OPHN1: variants seen among roughly 807,000 people sequenced by gnomAD.
OPHN1 encodes the protein oligophrenin 1, also known as oligophrenin-1.
Under a neutral mutation model 60.7 loss-of-function variants are expected in OPHN1, and 11 were observed. That is an observed-to-expected ratio of 0.18 (90% CI 0.11 to 0.30). OPHN1 has a LOEUF of 0.30. Among genes scored for constraint, OPHN1 ranks in the 10% least tolerant of loss-of-function variants. OPHN1 has a pLI of 1.00. For missense variants in OPHN1, 449 were observed against 611.0 expected, an observed-to-expected ratio of 0.73 and a Z score of 2.80; for synonymous variants, 226 against 222.6, an observed-to-expected ratio of 1.02 and a Z score of -0.14.
intron 19 of OPHN1, among the ~76,000 whole-genome samples, chrX:68,085,076 C>T (rs1479097248): frequency 1.5e-4 from 17 of 112,175 alleles, no homozygotes; most frequent in African/African-American, 5.2e-4. Context: ...ACCTCTTTTT[C>T]TGGTCTGTGG....
At chrX:68,114,592 C>T (rs2077119527) in intron 16 of OPHN1, among the ~76,000 whole-genome samples, 2 of 110,737 alleles carry the variant, frequency 1.8e-5, no homozygotes. Context: ...GAGACCCCTA[C>T]CTCTTAAAAA....
intron 15 of OPHN1, among the ~76,000 whole-genome samples, chrX:68,182,395 AAG>A (rs1055606880): frequency 9.3e-6 from 1 of 108,033 alleles, no homozygotes; most frequent in African/African-American, 3.4e-5. Context: ...GACAGAGAGA[AAG>A]AGAGAGGGGA....
intron 6 of OPHN1, among the ~76,000 whole-genome samples, chrX:68,217,421 C>G (rs1383748562): frequency 8.9e-6 from 1 of 112,092 alleles, no homozygotes; most frequent in African/African-American, 3.2e-5. Context: ...CTGGGTGGAG[C>G]CCACCACAGC....
rs1246696041 is a variant in OPHN1, at chrX:68,045,496, C to T, written c.*1676G>A. On this transcript the variant is annotated 3_prime_UTR_variant, in exon 25 of 25. Coordinates refer to ENST00000355520, the MANE Select transcript of OPHN1 (RefSeq NM_002547.3). ...TTATCTGTCAGTACTATAATCAGTG[C>T]ACTAACAGGGCCTTGGTAGAAGAGT... 9.0e-6 allele frequency: 1 copy of T among 111,459 alleles called. No homozygotes were observed. Among genetic ancestry groups the T allele is most frequent in the Non-Finnish European group, 1.9e-5 (1 of 53,091 alleles). The allele number at this position is 111,459 out of a possible 1,213,427, so 9.2% of individuals were successfully genotyped here. A position where few individuals can be genotyped will look rare whatever the true frequency, so the allele number is the denominator to read the frequency against.
chrX:68,171,812 A>G (rs912362950), intron 15 of OPHN1, among the ~76,000 whole-genome samples: 4 of 112,143 alleles, frequency 3.6e-5, no homozygotes, highest in African/African-American at 1.3e-4. Context: ...ATATGAACAG[A>G]CATTTCATAA....
intron 2 of OPHN1, 50 bp downstream of exon 2, chrX:68,432,817 G>T (rs777084728): frequency 8.4e-7 from 1 of 1,192,337 alleles, no homozygotes; most frequent in East Asian, 3.0e-5. Flanking sequence ...AAGGCTTAAA[G>T]GCCAGACACA....
intron 2 of OPHN1, among the ~76,000 whole-genome samples, chrX:68,377,127 T>C (rs1461615276): frequency 1.0e-5 from 1 of 96,629 alleles, no homozygotes; most frequent in Non-Finnish European, 2.1e-5. Flanking sequence ...GATGGAGTCT[T>C]ACTCTGTTGC....
intron 21 of OPHN1, among the ~76,000 whole-genome samples, 167 bp from the exon 22 acceptor site, chrX:68,053,977 C>CAACTG (rs1257165194): frequency 1.0e-5 from 1 of 97,463 alleles, no homozygotes; most frequent in Non-Finnish European, 2.0e-5. Context: ...ATTTTTCTGG[C>CAACTG]AACTGTCCCT....
intron 19 of OPHN1, among the ~76,000 whole-genome samples, chrX:68,073,750 A>G (rs1335650040): frequency 9.0e-6 from 1 of 111,606 alleles, no homozygotes; most frequent in African/African-American, 3.3e-5. Flanking sequence ...ACACAATTAC[A>G]TGCCCATATG....
intron 2 of OPHN1, among the ~76,000 whole-genome samples, chrX:68,359,409 G>T (rs747561956): frequency 9.0e-6 from 1 of 111,396 alleles, no homozygotes; most frequent in Non-Finnish European, 1.9e-5. Flanking sequence ...CAGCACAAAA[G>T]ATCATAGAAG....
intron 2 of OPHN1, among the ~76,000 whole-genome samples, chrX:68,317,896 A>C (rs762482588): frequency 3.2e-4 from 35 of 111,047 alleles, no homozygotes; most frequent in Admixed American, 1.8e-3. Context: ...AACACTTTGA[A>C]TCCCCATCTC....
chrX:68,328,664 C>T (rs2078280156), intron 2 of OPHN1, among the ~76,000 whole-genome samples: 1 of 111,433 alleles, frequency 9.0e-6, no homozygotes, highest in Admixed American at 9.6e-5. Flanking sequence ...TTATTTGTAA[C>T]ATATATAACA....
At chrX:68,112,060 T>TGC (rs1555938763) in intron 17 of OPHN1, 101 bp from the exon 18 acceptor site, 23 of 367,750 alleles carry the variant, frequency 6.3e-5, no homozygotes, top group Non-Finnish European at 9.7e-5. Context: ...CATGCACACA[T>TGC]GCACACACAC....
intron 2 of OPHN1, among the ~76,000 whole-genome samples, chrX:68,357,703 C>T (rs2078449255): frequency 9.0e-6 from 1 of 110,665 alleles, no homozygotes; most frequent in South Asian, 3.8e-4. Context: ...AATAGTGCTG[C>T]AATAAACATA....
At chrX:68,351,347 G>A (rs1344383068) in intron 2 of OPHN1, among the ~76,000 whole-genome samples, 2 of 111,536 alleles carry the variant, frequency 1.8e-5, no homozygotes, top group Admixed American at 9.6e-5. Flanking sequence ...CCTCACCACT[G>A]ACTGTAAACT....
intron 2 of OPHN1, among the ~76,000 whole-genome samples, chrX:68,408,955 C>T (rs1035508152): frequency 2.7e-5 from 3 of 112,051 alleles, no homozygotes; most frequent in Admixed American, 1.9e-4. Flanking sequence ...AGCGAGACTC[C>T]GTCTCAAAAA....
intron 19 of OPHN1, among the ~76,000 whole-genome samples, chrX:68,077,052 A>G (rs2076956384): frequency 8.9e-6 from 1 of 111,792 alleles, no homozygotes; most frequent in Non-Finnish European, 1.9e-5. Context: ...CAGCCACTGA[A>G]AAGGACATAC....
chrX:68,203,980 T>C (rs1026622267), intron 10 of OPHN1, among the ~76,000 whole-genome samples: 7 of 113,072 alleles, frequency 6.2e-5, no homozygotes, highest in Non-Finnish European at 1.3e-4. Context: ...TTCAAAGACA[T>C]GAACAGTGTT....
intron 2 of OPHN1, among the ~76,000 whole-genome samples, chrX:68,327,040 G>T (rs750736324): frequency 2.1e-5 from 1 of 46,693 alleles, no homozygotes. Context: ...GGGGGGAACA[G>T]CCCCCGCCCG....
Sources: allele counts gnomAD v4.1 joint callset (sites outside exome capture counted in the v4.1 genomes callset), GRCh38; gene constraint gnomAD v4.1.1; transcripts MANE v1.5; gene names NCBI Gene and HGNC (gene_info 2026-07-23, HGNC 2026-07-21).